PLPPR5: variants seen among roughly 807,000 people sequenced by gnomAD.
PLPPR5 encodes the protein phospholipid phosphatase-related protein type 5.
In PLPPR5, 16 loss-of-function variants were observed where a neutral mutation model predicts 33.9. The ratio of observed to expected loss-of-function variants is 0.47; its 90% CI spans 0.32 to 0.72. The LOEUF is 0.72. Among genes scored for constraint, PLPPR5 ranks in the 30% least tolerant of loss-of-function variants. The pLI is 0.03. For synonymous variants in PLPPR5, 163 were observed against 150.3 expected (o/e 1.08, Z -0.62); for missense variants, 301 against 406.7 (o/e 0.74, Z 2.23).
intron 5 of PLPPR5, among the ~76,000 whole-genome samples, chr1:98,893,471 G>A (rs770505609): frequency 6.6e-6 from 1 of 151,968 alleles, no homozygotes; most frequent in Non-Finnish European, 1.5e-5. Context: ...GACAGATGGT[G>A]TAGAATGAGA....
At chr1:98,998,482 ATTTCC>A (rs1446887099) in intron 1 of PLPPR5, among the ~76,000 whole-genome samples, 4 of 152,144 alleles carry the variant, frequency 2.6e-5, no homozygotes, top group African/African-American at 9.7e-5. Context: ...GAAACAAACG[ATTTCC>A]TACACCACCC....
At chr1:98,939,077 CAT>C (rs1430641535) in intron 3 of PLPPR5, among the ~76,000 whole-genome samples, 1 of 151,998 alleles carries the variant, frequency 6.6e-6, no homozygotes, top group African/African-American at 2.4e-5. Flanking sequence ...CCCCATGACA[CAT>C]GTTTACCTAT....
At chr1:98,913,252 TC>T (rs2101150725) in intron 5 of PLPPR5, among the ~76,000 whole-genome samples, 1 of 152,306 alleles carries the variant, frequency 6.6e-6, no homozygotes, top group African/African-American at 2.4e-5. Flanking sequence ...GTTGAGTACA[TC>T]CCAAAAACAT....
intron 3 of PLPPR5, 65 bp downstream of exon 3, chr1:98,953,005 A>G (rs1308501160): frequency 6.4e-7 from 1 of 1,573,294 alleles, no homozygotes; most frequent in East Asian, 2.3e-5. Context: ...GAGAAAAAGA[A>G]TTTCTACATT....
intron 5 of PLPPR5, among the ~76,000 whole-genome samples, chr1:98,906,849 G>A (rs1250298021): frequency 6.6e-6 from 1 of 152,070 alleles, no homozygotes; most frequent in Non-Finnish European, 1.5e-5. Flanking sequence ...GTATATTTCT[G>A]AATATTGCTA....
At chr1:98,990,698 C>A (rs1286004119) in intron 1 of PLPPR5, among the ~76,000 whole-genome samples, 5 of 151,582 alleles carry the variant, frequency 3.3e-5, no homozygotes, top group Non-Finnish European at 7.4e-5. Flanking sequence ...TAAAGTAAAA[C>A]TAAAGACTTG....
At chr1:98,958,533 T>C (rs192099808) in intron 1 of PLPPR5, among the ~76,000 whole-genome samples, 286 of 152,280 alleles carry the variant, frequency 1.9e-3, no homozygotes, top group African/African-American at 6.6e-3. Context: ...GATAAGAACT[T>C]CCAACTTCCT....
At chr1:98,964,403 C>T (rs562990834) in intron 1 of PLPPR5, among the ~76,000 whole-genome samples, 67 of 152,256 alleles carry the variant, frequency 4.4e-4, no homozygotes, top group South Asian at 1.5e-3. Context: ...TGGGAAGGAT[C>T]AACGGGCCTC....
chr1:98,908,480 T>C lies in PLPPR5; in HGVS notation c.933+6306A>G, dbSNP rs1648990837. 2.0e-5 allele frequency among the ~76,000 whole-genome samples: 3 copies of C among 152,338 alleles called. No homozygotes were observed. In the South Asian group the frequency reaches 6.2e-4, roughly 32 times the overall value. ...AATTTGTTTCTTGGACTCCTAAGGA[T>C]AATTAATATAGTTTTTGTGTCTTGG... On this transcript the variant is annotated intron_variant, in intron 5 of 5. Transcript: ENST00000263177.
intron 3 of PLPPR5, among the ~76,000 whole-genome samples, chr1:98,944,177 G>T (rs1372053383): frequency 1.3e-5 from 2 of 152,140 alleles, no homozygotes; most frequent in African/African-American, 2.4e-5. Flanking sequence ...CATCAATAAA[G>T]ATTTTAGGGA....
chr1:98,903,838 AG>A (rs1162255617), intron 5 of PLPPR5, among the ~76,000 whole-genome samples: 3 of 152,184 alleles, frequency 2.0e-5, no homozygotes, highest in Non-Finnish European at 4.4e-5. Flanking sequence ...CAGCTGAACC[AG>A]GCTTCAAACC....
Position 98,911,200 on chromosome 1 carries a change from G to A in PLPPR5, c.933+3586C>T, listed in dbSNP as rs1014529489. ...CACTGTGCAGACAGCATTCTGCCTG[G>A]GAACAGGAATAAAAAGATGGGAGAG... On this transcript the variant is annotated intron_variant, in intron 5 of 5. Transcript: ENST00000263177. Among the ~76,000 whole-genome samples, 5 of 152,278 alleles carry A rather than the reference G, an allele frequency of 3.3e-5. No individual in the cohort carries two copies. The East Asian group carries it at 5.8e-4, about 18-fold the overall frequency.
At chr1:98,993,017 TAAC>T (rs1652503753) in intron 1 of PLPPR5, among the ~76,000 whole-genome samples, 1 of 152,102 alleles carries the variant, frequency 6.6e-6, no homozygotes, top group Non-Finnish European at 1.5e-5. Flanking sequence ...TAAGCTGAAA[TAAC>T]AATAGGGTCT....
intron 3 of PLPPR5, among the ~76,000 whole-genome samples, chr1:98,935,425 G>A (rs61784618): frequency 0.013 from 2,042 of 152,154 alleles, 18 homozygotes; most frequent in Non-Finnish European, 0.018. Context: ...TATCATCCTA[G>A]GTAATACGAC....
chr1:98,940,833 G>C (rs1373233571), intron 3 of PLPPR5, among the ~76,000 whole-genome samples: 1 of 151,888 alleles, frequency 6.6e-6, no homozygotes, highest in Non-Finnish European at 1.5e-5. Context: ...TGGATGCGGG[G>C]GTGTGGAAGA....
intron 3 of PLPPR5, among the ~76,000 whole-genome samples, chr1:98,943,366 T>C (rs1287655375): frequency 1.3e-5 from 2 of 152,206 alleles, no homozygotes; most frequent in East Asian, 3.9e-4. Flanking sequence ...CAGGTTTCCA[T>C]ACACTGGAGA....
intron 3 of PLPPR5, among the ~76,000 whole-genome samples, chr1:98,922,973 A>C (rs1649624072): frequency 6.6e-6 from 1 of 150,584 alleles, no homozygotes; most frequent in Non-Finnish European, 1.5e-5. Flanking sequence ...TGACAGAGCG[A>C]GACTCTGTCT....
At position 98,941,918 on chromosome 1, in the gene PLPPR5, C is replaced by T. The variant is rs1398087825; in HGVS notation, c.621+11152G>A. 1.3e-5 allele frequency among the ~76,000 whole-genome samples: 2 copies of T among 151,440 alleles called. 1 individual carries two copies. The highest frequency in any genetic ancestry group is 4.8e-5 in the African/African-American group (2 of 41,300). On this transcript the variant is annotated intron_variant, in intron 3 of 5. Coordinates refer to ENST00000263177, the MANE Select transcript of PLPPR5 (RefSeq NM_001037317.2). ...TACAACAGAAGAAGTACCAAGAAATCTCCTCGATTTAAATGCATCCTCAAT... is the reference window on the plus strand; with the variant it reads ...TACAACAGAAGAAGTACCAAGAAATTTCCTCGATTTAAATGCATCCTCAAT...
chr1:98,981,619 A>G (rs1166470627), intron 1 of PLPPR5, among the ~76,000 whole-genome samples: 1 of 152,090 alleles, frequency 6.6e-6, no homozygotes, highest in Admixed American at 6.6e-5. Context: ...ATCTCTGACT[A>G]TCTAGAACCC....
Sources: allele counts gnomAD v4.1 joint callset (sites outside exome capture counted in the v4.1 genomes callset), GRCh38; gene constraint gnomAD v4.1.1; transcripts MANE v1.5; gene names NCBI Gene and HGNC (gene_info 2026-07-23, HGNC 2026-07-21).